The following FSTL4 variants were observed in gnomAD, a reference collection of about 807,000 sequenced individuals.
FSTL4 encodes the protein follistatin like 4.
FSTL4 carries 28 observed loss-of-function variants against 78.2 expected under a neutral mutation model. The ratio of observed to expected loss-of-function variants is 0.36; its 90% CI spans 0.27 to 0.49. The LOEUF is 0.49. FSTL4 is among the 20% of genes least tolerant of loss of function. FSTL4 has a pLI of 0.98. For missense variants in FSTL4, 922 were observed against 1,084.9 expected, an observed-to-expected ratio of 0.85 and a Z score of 2.11; for synonymous variants, 422 against 440.5, an observed-to-expected ratio of 0.96 and a Z score of 0.53.
chr5:133,781,400 TGTGTGTGTGTGGC>T, the FSTL4 span, among the ~76,000 whole-genome samples: 656 of 139,338 alleles, frequency 4.7e-3, 2 homozygotes, highest in African/African-American at 0.018. Context: ...TGTGTGTGTG[TGTGTGTGTGTGGC>T]GTGTATGTGT....
chr5:133,822,553 G>A, the FSTL4 span, among the ~76,000 whole-genome samples: 4,658 of 152,192 alleles, frequency 0.031, 93 homozygotes, highest in East Asian at 0.094. Context: ...TAAAACTGCA[G>A]AAATCTAAGG....
At chr5:133,270,555 G>A (rs1484522855) in intron 6 of FSTL4, among the ~76,000 whole-genome samples, 2 of 152,182 alleles carry the variant, frequency 1.3e-5, no homozygotes, top group Non-Finnish European at 1.5e-5. Context: ...ATAGGACGTG[G>A]GGGCAGTCCG....
chr5:133,697,322 C>A, the FSTL4 span, among the ~76,000 whole-genome samples: 2 of 152,150 alleles, frequency 1.3e-5, no homozygotes, highest in Non-Finnish European at 2.9e-5. Flanking sequence ...CGGCCCTGCC[C>A]AATTCAGCGC....
intron 3 of FSTL4, among the ~76,000 whole-genome samples, chr5:133,432,866 C>T (rs916864914): frequency 3.9e-5 from 6 of 152,188 alleles, no homozygotes; most frequent in Non-Finnish European, 7.3e-5. Flanking sequence ...TTTAGAGATC[C>T]TTGCAGTACA....
At chr5:133,336,152 C>T (rs1380018049) in intron 4 of FSTL4, among the ~76,000 whole-genome samples, 2 of 152,240 alleles carry the variant, frequency 1.3e-5, no homozygotes, top group Non-Finnish European at 2.9e-5. Context: ...CAGCAGCCCT[C>T]ATCATTTTGA....
intron 4 of FSTL4, among the ~76,000 whole-genome samples, chr5:133,375,434 C>A: frequency 6.6e-6 from 1 of 151,256 alleles, no homozygotes; most frequent in East Asian, 1.9e-4. Flanking sequence ...ATACATAATA[C>A]CTTTGTAATC....
At chr5:133,809,989 A>T in the FSTL4 span, among the ~76,000 whole-genome samples, 1 of 152,244 alleles carries the variant, frequency 6.6e-6, no homozygotes, top group Non-Finnish European at 1.5e-5. Context: ...GGATATAGAC[A>T]TTCAATACAC....
chr5:133,820,241 A>T, the FSTL4 span, among the ~76,000 whole-genome samples: 3 of 152,186 alleles, frequency 2.0e-5, no homozygotes, highest in East Asian at 5.8e-4. Flanking sequence ...GTCACGCTGC[A>T]TTTCTCTCCA....
the FSTL4 span, among the ~76,000 whole-genome samples, chr5:133,659,593 T>A: frequency 6.6e-6 from 1 of 151,130 alleles, no homozygotes; most frequent in South Asian, 2.1e-4. Context: ...CTATTATAAA[T>A]ACATTGTAAT....
At chr5:133,375,311 T>TATAA (rs1298027325) in intron 4 of FSTL4, among the ~76,000 whole-genome samples, 1 of 138,464 alleles carries the variant, frequency 7.2e-6, no homozygotes, top group African/African-American at 2.6e-5. Context: ...TATATATATA[T>TATAA]AAAAGACTCT....
intron 3 of FSTL4, among the ~76,000 whole-genome samples, chr5:133,542,452 G>A: frequency 6.6e-6 from 1 of 152,060 alleles, no homozygotes; most frequent in East Asian, 1.9e-4. Flanking sequence ...CCAGGTTTTG[G>A]TGTCAAGTTT....
chr5:133,311,719 C>T (rs950644933), intron 6 of FSTL4, among the ~76,000 whole-genome samples: 1 of 152,172 alleles, frequency 6.6e-6, no homozygotes, highest in African/African-American at 2.4e-5. Context: ...GTACTCAGTG[C>T]CCCTGGGGGT....
chr5:133,414,641 A>T (rs141747397), intron 3 of FSTL4, among the ~76,000 whole-genome samples: 3 of 152,378 alleles, frequency 2.0e-5, no homozygotes, highest in South Asian at 2.1e-4. Context: ...AAAGGATTTT[A>T]AAAAATATTT....
At position 133,307,923 on chromosome 5, in the gene FSTL4, G is replaced by C. The variant is rs190814608; in HGVS notation, c.727+4731C>G. Reference sequence around the variant, plus strand: ...AGCCTCCCAAGTAGCTGAGACTACAGGCGCCCACCACCAAGCCCGGCTAAG... The same window carrying C: ...AGCCTCCCAAGTAGCTGAGACTACACGCGCCCACCACCAAGCCCGGCTAAG... On this transcript the variant is annotated intron_variant, in intron 6 of 15. Transcript: ENST00000265342. 2.0e-5 allele frequency among the ~76,000 whole-genome samples: 3 copies of C among 152,170 alleles called. No homozygotes were observed. In the East Asian group the frequency reaches 5.8e-4, roughly 29 times the overall value.
the FSTL4 span, among the ~76,000 whole-genome samples, chr5:133,816,611 G>A: frequency 0.096 from 14,561 of 152,230 alleles, 889 homozygotes; most frequent in East Asian, 0.2. Context: ...GTGTCTAAGC[G>A]AGCAAGTGCT....
At chr5:133,497,025 C>A (rs900422434) in intron 3 of FSTL4, among the ~76,000 whole-genome samples, 1 of 152,202 alleles carries the variant, frequency 6.6e-6, no homozygotes, top group Non-Finnish European at 1.5e-5. Context: ...CCCACCTCAG[C>A]CCAGGGTCTG....
chr5:133,739,287 CTT>C, the FSTL4 span, among the ~76,000 whole-genome samples: 7,039 of 143,836 alleles, frequency 0.049, 213 homozygotes, highest in Admixed American at 0.096. Context: ...TTTTCTTTTT[CTT>C]TTTTTTTTTT....
chr5:133,757,160 G>A, the FSTL4 span, among the ~76,000 whole-genome samples: 1 of 152,020 alleles, frequency 6.6e-6, no homozygotes, highest in East Asian at 1.9e-4. Context: ...CTGCACAAAT[G>A]GTCTAATCCA....
At chr5:133,689,328 G>A in the FSTL4 span, among the ~76,000 whole-genome samples, 4 of 152,016 alleles carry the variant, frequency 2.6e-5, no homozygotes, top group Non-Finnish European at 4.4e-5. Context: ...GGAGGTCCTC[G>A]TCAACAGCAC....
Sources: gnomAD v4.1 joint callset for allele counts (sites outside exome capture counted in the v4.1 genomes callset) on GRCh38, gnomAD v4.1.1 for gene constraint, MANE v1.5 for transcripts, NCBI Gene and HGNC (gene_info 2026-07-23, HGNC 2026-07-21) for gene names.